The following TCF25 variants were observed in gnomAD, a reference collection of about 807,000 sequenced individuals.
TCF25 encodes ribosome quality control complex subunit TCF25.
In TCF25, 41 loss-of-function variants were observed where a neutral mutation model predicts 83.1. The ratio of observed to expected loss-of-function variants is 0.49; its 90% CI spans 0.38 to 0.64. TCF25 has a LOEUF of 0.64. TCF25 is among the 30% of genes least tolerant of loss of function. The pLI is 0.00. For missense variants in TCF25, 979 were observed against 914.5 expected (o/e 1.07, Z -0.91); for synonymous variants, 458 against 365.0 (o/e 1.25, Z -2.90).
chr16:89,907,130 C>G (rs973860176), intron 15 of TCF25, 113 bp from the exon 16 acceptor site: 34 of 1,054,792 alleles, frequency 3.2e-5, no homozygotes, highest in Non-Finnish European at 4.6e-5. Context: ...CTGTGGCTAT[C>G]TCTCAGCAGA....
chr16:89,900,683 C>G lies in TCF25; in HGVS notation c.1270C>G (p.Leu424Val). 6.2e-7 allele frequency: 1 copy of G among 1,604,260 alleles called. No individual in the cohort carries two copies. The highest frequency in any genetic ancestry group is 8.5e-7 in the Non-Finnish European group (1 of 1,171,676). ...QLPNFAFSVP[L>V]AYFLLSQQTD... ...CCCTAATTTTGCCTTCTCTGTTCCA[C>G]TGGCGTATTTCCTGCTGAGCCAGCA... Residue 424 changes from leucine (L) to valine (V), a missense_variant, in exon 12 of 18, where the codon CTG becomes GTG. Coordinates refer to ENST00000263346, the MANE Select transcript of TCF25 (RefSeq NM_014972.3).
rs570821297 is a variant in TCF25, at chr16:89,881,397, C to T, written c.193-1954C>T. On this transcript the variant is annotated intron_variant, in intron 1 of 17. Coordinates refer to ENST00000263346, the MANE Select transcript of TCF25 (RefSeq NM_014972.3). ...CCTTAGTGCATCCGATTGGATCCATCAGAATCTCCTAGTTCATAAAGAATT... is the reference window on the plus strand; with the variant it reads ...CCTTAGTGCATCCGATTGGATCCATTAGAATCTCCTAGTTCATAAAGAATT... Among the ~76,000 whole-genome samples the T allele has an allele frequency of 9.2e-5, 14 of 152,246 alleles. No homozygotes were observed. In the South Asian group the frequency reaches 2.9e-3, roughly 32 times the overall value.
intron 12 of TCF25, among the ~76,000 whole-genome samples, chr16:89,901,320 C>T (rs1200625820): frequency 1.3e-5 from 2 of 152,216 alleles, no homozygotes; most frequent in Non-Finnish European, 2.9e-5. Flanking sequence ...CTGACCCTGC[C>T]TGACAGCATG....
chr16:89,878,279 CAA>C (rs34906385), intron 1 of TCF25, among the ~76,000 whole-genome samples: 33 of 113,498 alleles, frequency 2.9e-4, no homozygotes, highest in Admixed American at 2.6e-4. Context: ...GACCCTGTCT[CAA>C]AAAAAAAAAA....
In TCF25 at chr16:89,873,758, G is replaced by A. The variant is rs139741086; in HGVS notation, c.91G>A (p.Asp31Asn). Reference sequence around the variant, plus strand: ...CGCCTTGCATTTCGATCTCCGTGATGACGATGACGCGGAAGAAGAAGGGCC... The same window carrying A: ...CGCCTTGCATTTCGATCTCCGTGATAACGATGACGCGGAAGAAGAAGGGCC... ...PGALHFDLRDDDDAEEEGPKR... is the reference protein window; with the variant it reads ...PGALHFDLRDNDDAEEEGPKR... Residue 31 changes from aspartate (D) to asparagine (N), a missense_variant, in exon 1 of 18, where the codon GAC (aspartate) becomes AAC (asparagine). Asp to Asn is a conservative substitution (Grantham distance 23, BLOSUM62 1). Transcript: ENST00000263346. 1 of 1,611,600 alleles carries A rather than the reference G, an allele frequency of 6.2e-7. No individual in the cohort carries two copies. The highest frequency in any genetic ancestry group is 2.2e-5 in the East Asian group (1 of 44,720).
intron 16 of TCF25, chr16:89,910,080 T>C (rs2045423675): frequency 6.4e-6 from 1 of 155,508 alleles, no homozygotes; most frequent in Non-Finnish European, 1.4e-5. Flanking sequence ...GGAATCGCGG[T>C]TCTTTGCTGC....
At chr16:89,907,480 C>G (rs866741339) in intron 16 of TCF25, among the ~76,000 whole-genome samples, 158 bp downstream of exon 16, 26 of 112,522 alleles carry the variant, frequency 2.3e-4, no homozygotes, top group East Asian at 5.9e-4. Flanking sequence ...CCACCTCCCA[C>G]CTCCCAGCTC....
At chr16:89,910,793 T>A in intron 17 of TCF25, 130 bp downstream of exon 17, 2 of 1,127,722 alleles carry the variant, frequency 1.8e-6, no homozygotes, top group Non-Finnish European at 2.6e-6. Flanking sequence ...GGACCAAGGC[T>A]GCATTGTGCC....
At chr16:89,908,235 TTCCCACC>T (rs1567744327) in intron 16 of TCF25, among the ~76,000 whole-genome samples, 1 of 47,602 alleles carries the variant, frequency 2.1e-5, no homozygotes, top group Non-Finnish European at 4.0e-5. Context: ...CTCCTCTCAG[TTCCCACC>T]TCCCAGCTCC....
intron 15 of TCF25, among the ~76,000 whole-genome samples, chr16:89,906,877 G>A (rs1435536650): frequency 3.9e-5 from 6 of 152,084 alleles, no homozygotes; most frequent in East Asian, 1.9e-4. Context: ...TGTGCAACCC[G>A]AGGGCAGCTC....
intron 12 of TCF25, 52 bp downstream of exon 12, chr16:89,900,846 G>C (rs773640893): frequency 1.8e-5 from 27 of 1,469,366 alleles, no homozygotes; most frequent in Non-Finnish European, 2.4e-5. Flanking sequence ...TGTCAGCCGT[G>C]GGGGCTGCTC....
chr16:89,874,289 G>A (rs966208859), intron 1 of TCF25, among the ~76,000 whole-genome samples: 3 of 151,644 alleles, frequency 2.0e-5, no homozygotes, highest in Admixed American at 1.3e-4. Flanking sequence ...TCGTGGGGCC[G>A]TGACGCTAAA....
At chr16:89,877,306 C>G (rs565935299) in intron 1 of TCF25, among the ~76,000 whole-genome samples, 1 of 151,990 alleles carries the variant, frequency 6.6e-6, no homozygotes, top group Non-Finnish European at 1.5e-5. Context: ...TGGGCTCAAA[C>G]CATCCTCCCA....
chr16:89,879,224 C>T (rs912883751), intron 1 of TCF25, among the ~76,000 whole-genome samples: 5 of 151,212 alleles, frequency 3.3e-5, no homozygotes, highest in Non-Finnish European at 7.4e-5. Context: ...GGCTTCGGGG[C>T]CTGTCACACG....
At chr16:89,907,687 CCTCCTTT>C (rs1244027021) in intron 16 of TCF25, among the ~76,000 whole-genome samples, 9 of 116,556 alleles carry the variant, frequency 7.7e-5, no homozygotes, top group Non-Finnish European at 1.1e-4. Flanking sequence ...CTCCCACCTC[CCTCCTTT>C]CACCTCCCAC....
intron 1 of TCF25, chr16:89,878,434 ATTTTTTTTTTTTTTT>A: frequency 3.0e-6 from 3 of 1,005,712 alleles, no homozygotes; most frequent in Non-Finnish European, 2.5e-6. Context: ...AAAAATCACC[ATTTTTTTTTTTTTTT>A]TTTTTTTTTA....
intron 14 of TCF25, 99 bp from the exon 15 acceptor site, chr16:89,906,095 T>C (rs982954616): frequency 2.0e-6 from 2 of 1,004,342 alleles, no homozygotes; most frequent in Non-Finnish European, 3.0e-6. Flanking sequence ...TGCAGCGAGA[T>C]GCCTCGTGCT....
intron 5 of TCF25, 79 bp from the exon 6 acceptor site, chr16:89,892,114 G>T: frequency 2.8e-6 from 4 of 1,410,978 alleles, no homozygotes; most frequent in Non-Finnish European, 2.8e-6. Context: ...TCCACAGCCC[G>T]TGCAGGGATC....
At chr16:89,893,599 A>G in intron 6 of TCF25, 129 bp from the exon 7 acceptor site, 3 of 1,435,988 alleles carry the variant, frequency 2.1e-6, no homozygotes, top group Non-Finnish European at 2.9e-6. Flanking sequence ...ACCCATGAGT[A>G]CACACTCAGG....
Sources: gnomAD v4.1 joint callset for allele counts (sites outside exome capture counted in the v4.1 genomes callset) on GRCh38, gnomAD v4.1.1 for gene constraint, MANE v1.5 for transcripts, NCBI Gene and HGNC (gene_info 2026-07-23, HGNC 2026-07-21) for gene names.